Variants in TMEM132C observed in about 807,000 individuals in gnomAD.
The protein encoded by TMEM132C is protein phosphatase 1, regulatory subunit 152.
Under a neutral mutation model 61.4 loss-of-function variants are expected in TMEM132C, and 29 were observed. The observed-to-expected ratio is 0.47, with a 90% CI of 0.35 to 0.64. The LOEUF (loss-of-function observed/expected upper bound fraction) is 0.64, where lower values mean the gene tolerates loss of function less well. Ranked by LOEUF, TMEM132C falls within the 30% of genes least tolerant of loss-of-function variation. The pLI is 0.00. For missense variants in TMEM132C, 1,408 were observed against 1,476.9 expected (o/e 0.95, Z 0.76); for synonymous variants, 656 against 633.1 (o/e 1.04, Z -0.54).
At chr12:128,419,131 T>C (rs1868886655) in intron 2 of TMEM132C, among the ~76,000 whole-genome samples, 2 of 152,204 alleles carry the variant, frequency 1.3e-5, no homozygotes, top group African/African-American at 4.8e-5. Context: ...AAAATGTGCA[T>C]GTGTGCCAAG....
Position 128,272,610 on chromosome 12 carries a change from G to A in TMEM132C, c.85+5123G>A, listed in dbSNP as rs1442702304. On this transcript the variant is annotated intron_variant, in intron 1 of 8. Coordinates refer to ENST00000435159, the MANE Select transcript of TMEM132C (RefSeq NM_001136103.3). ...CAAACTCTTTTTAAACATAGTTTTA[G>A]CAGTTTGCATCCCCATCAGCCATGT... Among the ~76,000 whole-genome samples the A allele has an allele frequency of 2.6e-5, 4 of 152,214 alleles. No individual in the cohort carries two copies. The East Asian group carries it at 7.7e-4, about 29-fold the overall frequency.
intron 4 of TMEM132C, among the ~76,000 whole-genome samples, chr12:128,634,266 C>T (rs151262455): frequency 1.9e-4 from 29 of 152,316 alleles, no homozygotes; most frequent in Non-Finnish European, 3.2e-4. Flanking sequence ...TGTAGAGACA[C>T]GGTCTCACTA....
At chr12:128,615,144 T>C (rs1366238061) in intron 3 of TMEM132C, among the ~76,000 whole-genome samples, 2 of 152,156 alleles carry the variant, frequency 1.3e-5, no homozygotes, top group Non-Finnish European at 2.9e-5. Flanking sequence ...TCTGAGAATG[T>C]AGTTTAGGCC....
chr12:128,559,320 G>GT lies in TMEM132C; in HGVS notation c.1121+15218dup, dbSNP rs199832319. On this transcript the variant is annotated intron_variant, in intron 3 of 8. Coordinates refer to ENST00000435159, the MANE Select transcript of TMEM132C (RefSeq NM_001136103.3). The stretch of plus-strand genomic sequence containing the variant: ...AAACATCTGTATATTATGGCATATA[G>GT]TGTAAATTATATAAACCAACCCCCA... Among the ~76,000 whole-genome samples the GT allele has an allele frequency of 5.0e-3, 756 of 152,112 alleles. 8 individuals carry two copies. The highest frequency in any genetic ancestry group is 0.018 in the African/African-American group (735 of 41,482).
intron 2 of TMEM132C, among the ~76,000 whole-genome samples, chr12:128,505,931 C>T (rs1339912553): frequency 6.6e-6 from 1 of 152,156 alleles, no homozygotes; most frequent in Non-Finnish European, 1.5e-5. Context: ...GCCTCCCAGT[C>T]CCCATGTTTT....
intron 1 of TMEM132C, among the ~76,000 whole-genome samples, chr12:128,345,073 C>T (rs1481122617): frequency 6.6e-6 from 1 of 152,004 alleles, no homozygotes; most frequent in African/African-American, 2.4e-5. Context: ...CGCCCACCAC[C>T]CTCTAACAGG....
rs530746051 is a variant in TMEM132C at position 128,347,699 on chromosome 12, A to G, written c.86-67033A>G. On this transcript the variant is annotated intron_variant, in intron 1 of 8. Coordinates refer to ENST00000435159, the MANE Select transcript of TMEM132C (RefSeq NM_001136103.3). ...CGCCTTGGTCTCCAAAAGTGCTGGGATTACAGGCGTGAGCCACCACGCCCA... is the reference window on the plus strand; with the variant it reads ...CGCCTTGGTCTCCAAAAGTGCTGGGGTTACAGGCGTGAGCCACCACGCCCA... 2.8e-3 allele frequency among the ~76,000 whole-genome samples: 419 copies of G among 152,332 alleles called. 2 individuals are homozygous for G. The highest frequency in any genetic ancestry group is 6.8e-3 in the Middle Eastern group (2 of 294).
chr12:128,441,836 T>TA (rs1869798225), intron 2 of TMEM132C, among the ~76,000 whole-genome samples: 7 of 151,914 alleles, frequency 4.6e-5, no homozygotes, highest in Admixed American at 4.6e-4. Flanking sequence ...CTACTAAAAA[T>TA]ACAAAAAAAA....
chr12:128,340,356 G>GT (rs1872916865), intron 1 of TMEM132C, among the ~76,000 whole-genome samples: 1 of 151,752 alleles, frequency 6.6e-6, no homozygotes, highest in South Asian at 2.1e-4. Context: ...CTTCTGAGTT[G>GT]TTTTTTTAAA....
chr12:128,474,324 G>A (rs188881170), intron 2 of TMEM132C, among the ~76,000 whole-genome samples: 19 of 152,170 alleles, frequency 1.2e-4, no homozygotes, highest in Admixed American at 8.5e-4. Flanking sequence ...AAGCATGCTG[G>A]GCCCACCATT....
At chr12:128,517,811 G>A (rs1294137170) in intron 2 of TMEM132C, among the ~76,000 whole-genome samples, 1 of 152,198 alleles carries the variant, frequency 6.6e-6, no homozygotes, top group African/African-American at 2.4e-5. Flanking sequence ...GGAGCTAGGA[G>A]GGTAGATGAG....
Position 128,707,699 on chromosome 12 carries a change from A to C in TMEM132C, c.*1404A>C, listed in dbSNP as rs565113566. 6.6e-6 allele frequency: 1 copy of C among 152,304 alleles called. No individual in the cohort carries two copies. Among genetic ancestry groups the C allele is most frequent in the Non-Finnish European group, 1.5e-5 (1 of 68,028 alleles). The allele number at this position is 152,304 out of a possible 1,614,324, so 9.4% of individuals were successfully genotyped here. A position where few individuals can be genotyped will look rare whatever the true frequency, so the allele number is the denominator to read the frequency against. On this transcript the variant is annotated 3_prime_UTR_variant, in exon 9 of 9. Coordinates refer to ENST00000435159, the MANE Select transcript of TMEM132C (RefSeq NM_001136103.3). ...GCCTGACAGCCCTCATGCTCTCCGC[A>C]GGGGGGCGCTCACAAAGATGCCAGG...
chr12:128,384,721 A>G (rs1369355948), intron 1 of TMEM132C, among the ~76,000 whole-genome samples: 1 of 152,160 alleles, frequency 6.6e-6, no homozygotes, highest in Non-Finnish European at 1.5e-5. Context: ...CAGTGAGTGA[A>G]TATTCTGTCC....
intron 2 of TMEM132C, among the ~76,000 whole-genome samples, chr12:128,533,913 C>CAT (rs1042473934): frequency 6.6e-6 from 1 of 151,544 alleles, no homozygotes; most frequent in African/African-American, 2.4e-5. Flanking sequence ...CACACACATG[C>CAT]ATACACACAC....
intron 2 of TMEM132C, among the ~76,000 whole-genome samples, chr12:128,540,914 ACTCTGTCTGTCTGTTTCTCTCTGT>A (rs1333431266): frequency 0.074 from 11,201 of 151,466 alleles, 1,377 homozygotes; most frequent in African/African-American, 0.25. Context: ...GCCCTGGCTT[ACTCTGTCTGTCTGTTTCTCTCTGT>A]CTCTGTCTGT....
At chr12:128,336,623 T>A (rs531402322) in intron 1 of TMEM132C, among the ~76,000 whole-genome samples, 3 of 152,342 alleles carry the variant, frequency 2.0e-5, no homozygotes, top group Non-Finnish European at 4.4e-5. Context: ...TGCACAGGAA[T>A]GAACTAAGCC....
chr12:128,345,692 G>A (rs1009726414), intron 1 of TMEM132C, among the ~76,000 whole-genome samples: 1 of 152,106 alleles, frequency 6.6e-6, no homozygotes, highest in Non-Finnish European at 1.5e-5. Context: ...TCATATGATT[G>A]TTGGCCGCAT....
chr12:128,690,466 A>T (rs560893022), intron 5 of TMEM132C, among the ~76,000 whole-genome samples: 6 of 152,304 alleles, frequency 3.9e-5, no homozygotes, highest in African/African-American at 1.4e-4. Flanking sequence ...TCTATCATGC[A>T]CGGCTACTTC....
At chr12:128,510,959 C>G (rs1872546744) in intron 2 of TMEM132C, among the ~76,000 whole-genome samples, 1 of 152,238 alleles carries the variant, frequency 6.6e-6, no homozygotes. Flanking sequence ...TCCAGTAACT[C>G]CATGTTACAT....
Sources: gnomAD v4.1 joint callset for allele counts (sites outside exome capture counted in the v4.1 genomes callset) on GRCh38, gnomAD v4.1.1 for gene constraint, MANE v1.5 for transcripts, NCBI Gene and HGNC (gene_info 2026-07-23, HGNC 2026-07-21) for gene names.